Variants in ARHGAP5 observed in about 807,000 individuals in gnomAD.
The protein encoded by ARHGAP5 is Rho GTPase activating protein 5.
Under a neutral mutation model 116.6 loss-of-function variants are expected in ARHGAP5, and 23 were observed. That is an observed-to-expected ratio of 0.20 (90% CI 0.14 to 0.28). The LOEUF (loss-of-function observed/expected upper bound fraction) is 0.28. Ranked by LOEUF, ARHGAP5 falls within the 10% of genes least tolerant of loss-of-function variation. The pLI, the probability that ARHGAP5 is intolerant of heterozygous loss-of-function variation, is 1.00. For synonymous variants in ARHGAP5, 574 were observed against 602.0 expected (o/e 0.95, Z 0.68); for missense variants, 1,405 against 1,774.8 (o/e 0.79, Z 3.74).
rs1459405975 is a variant in ARHGAP5 at position 32,091,693 on chromosome 14, T to C, written c.1024T>C (p.Leu342=). ...RKRREEYINT[L]PRAFNTLLPN... ...AAGGAGAGAAGAGTATATAAATACT[T>C]TACCAAGAGCTTTTAACACTCTTTT... is the stretch of plus-strand genomic sequence containing the variant. Residue 342 remains leucine, a synonymous_variant, in exon 2 of 7, where the codon TTA becomes CTA. Transcript: ENST00000345122. 1 of 1,610,146 alleles carries C rather than the reference T, an allele frequency of 6.2e-7. No individual in the cohort carries two copies. The highest frequency in any genetic ancestry group is 8.5e-7 in the Non-Finnish European group (1 of 1,178,708).
chr14:32,132,359 G>A (rs1880549488), intron 3 of ARHGAP5, among the ~76,000 whole-genome samples: 1 of 152,126 alleles, frequency 6.6e-6, no homozygotes, highest in Admixed American at 6.5e-5. Context: ...TTTTACATGT[G>A]TTTTCTGGCT....
At chr14:32,082,720 A>G (rs889400455) in intron 1 of ARHGAP5, among the ~76,000 whole-genome samples, 3 of 152,038 alleles carry the variant, frequency 2.0e-5, no homozygotes, top group Non-Finnish European at 4.4e-5. Flanking sequence ...TTGTATTTTT[A>G]GTAGAGATGG....
intron 2 of ARHGAP5, among the ~76,000 whole-genome samples, chr14:32,107,296 A>G (rs1015283919): frequency 6.6e-6 from 1 of 152,346 alleles, no homozygotes; most frequent in African/African-American, 2.4e-5. Flanking sequence ...ATTATTTCAT[A>G]TGAATCCTGA....
chr14:32,154,510 G>C, intron 6 of ARHGAP5, 111 bp from the exon 7 acceptor site: 2 of 1,009,368 alleles, frequency 2.0e-6, no homozygotes, highest in Non-Finnish European at 2.8e-6. Flanking sequence ...TAAACCCCAG[G>C]TTTGAAGTAG....
chr14:32,120,981 T>A (rs1879856830), intron 3 of ARHGAP5, among the ~76,000 whole-genome samples: 1 of 151,458 alleles, frequency 6.6e-6, no homozygotes, highest in Admixed American at 6.6e-5. Flanking sequence ...ATTTTGAAGA[T>A]CTTTTAATTT....
Position 32,093,838 on chromosome 14 carries a change from A to G in ARHGAP5, c.3169A>G (p.Asn1057Asp), listed in dbSNP as rs1878385901. The G allele has an allele frequency of 3.1e-6, 5 of 1,613,734 alleles. No homozygotes were observed. The highest frequency in any genetic ancestry group is 4.2e-6 in the Non-Finnish European group (5 of 1,179,934). The stretch of plus-strand genomic sequence containing the variant: ...GACAAATGTGAAAAAACTCGATCCA[A>G]ACCTTTTAAAAACAATTGAAGCTGG... Reference protein sequence around the residue: ...PKTNVKKLDPNLLKTIEAGIG... With the variant: ...PKTNVKKLDPDLLKTIEAGIG... Residue 1057 changes from asparagine to aspartate, a missense_variant, in exon 2 of 7, where the codon AAC becomes GAC. Physicochemically the swap from Asn to Asp is conservative, Grantham distance 23 (BLOSUM62 1). Around this residue, in one of 6 missense-constraint regions of ARHGAP5, gnomAD observed 944 missense variants for 1,095.3 expected, o/e 0.86. Transcript: ENST00000345122.
intron 4 of ARHGAP5, among the ~76,000 whole-genome samples, chr14:32,147,498 T>C (rs942373511): frequency 5.3e-5 from 8 of 152,234 alleles, no homozygotes; most frequent in African/African-American, 1.9e-4. Context: ...ACATGTATCT[T>C]GTACGCTGTT....
chr14:32,135,356 T>G lies in ARHGAP5; in HGVS notation c.3866-10907T>G, dbSNP rs571854691. On this transcript the variant is annotated intron_variant, in intron 3 of 6. Coordinates refer to ENST00000345122, the MANE Select transcript of ARHGAP5 (RefSeq NM_001030055.2). ...AGAACCAGGAAGTGTTCTCTTTTCA[T>G]TTCTCTTCTTTTTTATGTCTAGACT... Among the ~76,000 whole-genome samples, 271 of 152,298 alleles carry G rather than the reference T, an allele frequency of 1.8e-3. 1 individual carries two copies. The highest frequency in any genetic ancestry group is 3.0e-3 in the Non-Finnish European group (204 of 68,018).
rs1484253440 is a variant in ARHGAP5 at position 32,091,002 on chromosome 14, T to C, written c.333T>C (p.Asn111=). ...DQTFLPHRST[N]LQPYIKRAAA... is the part of the protein sequence containing the mutation. The stretch of plus-strand genomic sequence containing the variant: ...CTTTCTTGCCTCATCGGAGTACGAA[T>C]TTGCAACCATATATAAAACGTGCAG... The change falls in exon 2 of 7, where the codon AAT becomes AAC. Residue 111 remains asparagine (N), a synonymous_variant. Coordinates refer to ENST00000345122, the MANE Select transcript of ARHGAP5 (RefSeq NM_001030055.2). The C allele has an allele frequency of 6.2e-7, 1 of 1,613,666 alleles. No homozygotes were observed. Among genetic ancestry groups the C allele is most frequent in the South Asian group, 1.1e-5 (1 of 91,054 alleles).
chr14:32,094,247 G>A lies in ARHGAP5; in HGVS notation c.3578G>A (p.Arg1193His), dbSNP rs758482610. The change falls in exon 2 of 7, where the codon CGT becomes CAT. Residue 1193 changes from arginine to histidine, a missense_variant. By Grantham distance (29) the Arg-to-His change is conservative. Around this residue, in one of 6 missense-constraint regions of ARHGAP5, gnomAD observed 944 missense variants for 1,095.3 expected, o/e 0.86. Transcript: ENST00000345122. ...AAAACAAAAAGAAAAGGAAGACATC[G>A]TGGAAGTGAAGAAGATCCACTTCTT... ...TSKTKRKGRH[R>H]GSEEDPLLSP... The A allele has an allele frequency of 1.7e-5, 27 of 1,613,526 alleles. No individual in the cohort carries two copies. The highest frequency in any genetic ancestry group is 2.2e-5 in the Non-Finnish European group (26 of 1,179,912).
rs908026453 is a variant in ARHGAP5, at chr14:32,156,729, T to C, written c.*1781T>C. ...TAATTTATAGTTGTCAGTTTAACTATTGGCATGTCTGGCAAAGAAAATTAA... is the reference window on the plus strand; with the variant it reads ...TAATTTATAGTTGTCAGTTTAACTACTGGCATGTCTGGCAAAGAAAATTAA... On this transcript the variant is annotated 3_prime_UTR_variant, in exon 7 of 7. Transcript: ENST00000345122. The C allele has an allele frequency of 1.3e-5, 2 of 152,378 alleles. No individual in the cohort carries two copies. The highest frequency in any genetic ancestry group is 2.9e-5 in the Non-Finnish European group (2 of 67,814). The allele number at this position is 152,378 out of a possible 1,614,324, so 9.4% of individuals were successfully genotyped here.
intron 2 of ARHGAP5, among the ~76,000 whole-genome samples, chr14:32,094,979 T>C (rs1441713822): frequency 6.6e-6 from 1 of 152,246 alleles, no homozygotes; most frequent in Non-Finnish European, 1.5e-5. Flanking sequence ...GAAACCTAAA[T>C]ATGAATGCTG....
chr14:32,103,270 G>T (rs560356030), intron 2 of ARHGAP5, among the ~76,000 whole-genome samples: 4 of 152,252 alleles, frequency 2.6e-5, no homozygotes, highest in Non-Finnish European at 5.9e-5. Context: ...TTTGAATTCT[G>T]TGTTGTCCAT....
chr14:32,097,310 A>G (rs1179609377), intron 2 of ARHGAP5, among the ~76,000 whole-genome samples: 2 of 152,156 alleles, frequency 1.3e-5, no homozygotes, highest in Non-Finnish European at 2.9e-5. Context: ...TTTATATCAG[A>G]TGTGCAAAGG....
chr14:32,123,292 G>A (rs1233699274), intron 3 of ARHGAP5, among the ~76,000 whole-genome samples: 1 of 151,914 alleles, frequency 6.6e-6, no homozygotes, highest in Non-Finnish European at 1.5e-5. Context: ...ATTTCTTGAA[G>A]TATTTTTATC....
intron 1 of ARHGAP5, among the ~76,000 whole-genome samples, chr14:32,082,605 G>A (rs974076310): frequency 2.6e-5 from 4 of 152,042 alleles, no homozygotes; most frequent in African/African-American, 9.7e-5. Context: ...GAGTGCAGTG[G>A]CACTCAGCTC....
chr14:32,142,783 G>T (rs745886100), intron 3 of ARHGAP5, among the ~76,000 whole-genome samples: 3 of 152,186 alleles, frequency 2.0e-5, no homozygotes, highest in Non-Finnish European at 4.4e-5. Context: ...TCTTCACCAA[G>T]ATGATTACTG....
Position 32,077,314 on chromosome 14 carries a change from G to C in ARHGAP5, c.-290G>C. ...CTCGGTGAGCGCGCCGAGGAAGAGAGGCGAGCGGAGAGTGGAGGAGGAGGC... is the reference window on the plus strand; with the variant it reads ...CTCGGTGAGCGCGCCGAGGAAGAGACGCGAGCGGAGAGTGGAGGAGGAGGC... On this transcript the variant is annotated 5_prime_UTR_variant, in exon 1 of 7. Transcript: ENST00000345122. 1.4e-6 allele frequency: 1 copy of C among 694,792 alleles called. No individual in the cohort carries two copies. Among genetic ancestry groups the C allele is most frequent in the South Asian group, 1.5e-5 (1 of 67,090 alleles). 43.0% of individuals were successfully genotyped at this position (694,792 alleles called of 1,614,324 possible).
intron 2 of ARHGAP5, among the ~76,000 whole-genome samples, chr14:32,110,737 A>G (rs988245202): frequency 6.6e-6 from 1 of 152,202 alleles, no homozygotes; most frequent in Non-Finnish European, 1.5e-5. Context: ...TAATCCATAT[A>G]TGTGAAATGA....
Sources: gnomAD v4.1 joint callset for allele counts (sites outside exome capture counted in the v4.1 genomes callset) on GRCh38, gnomAD v4.1.1 for gene constraint, gnomAD v4.1.1 regional missense constraint, MANE v1.5 for transcripts, NCBI Gene and HGNC (gene_info 2026-07-23, HGNC 2026-07-21) for gene names.